HK2: variants seen among roughly 807,000 people sequenced by gnomAD.
HK2 encodes hexokinase-2.
Under a neutral mutation model 92.9 loss-of-function variants are expected in HK2, and 42 were observed. The ratio of observed to expected loss-of-function variants is 0.45; its 90% CI spans 0.35 to 0.58. HK2 has a LOEUF of 0.58. Ranked by LOEUF, HK2 falls within the 20% of genes least tolerant of loss-of-function variation. HK2 has a pLI of 0.00. For synonymous variants in HK2, 422 were observed against 468.0 expected (o/e 0.90, Z 1.27); for missense variants, 978 against 1,245.1 (o/e 0.79, Z 3.23).
At chr2:74,845,570 G>A (rs895451517) in intron 1 of HK2, among the ~76,000 whole-genome samples, 1 of 152,228 alleles carries the variant, frequency 6.6e-6, no homozygotes, top group Non-Finnish European at 1.5e-5. Flanking sequence ...ACTCACAACC[G>A]CTGCAACAGG....
intron 2 of HK2, among the ~76,000 whole-genome samples, chr2:74,855,635 G>A (rs1359108767): frequency 1.3e-5 from 2 of 152,338 alleles, no homozygotes; most frequent in East Asian, 3.9e-4. Context: ...CAGTGGATTA[G>A]GGCTAGGTCA....
intron 1 of HK2, among the ~76,000 whole-genome samples, chr2:74,835,592 C>T (rs1558784312): frequency 6.6e-6 from 1 of 152,002 alleles, no homozygotes; most frequent in African/African-American, 2.4e-5. Context: ...TCATTCCCCG[C>T]CTCGGGGTAT....
intron 1 of HK2, among the ~76,000 whole-genome samples, chr2:74,837,439 G>A (rs1265312687): frequency 6.6e-6 from 1 of 152,204 alleles, no homozygotes; most frequent in Non-Finnish European, 1.5e-5. Flanking sequence ...CCAGCTGAGA[G>A]TCCTGGATTC....
In HK2 at chr2:74,839,310, T is replaced by G. The variant is rs150684006; in HGVS notation, c.63+4667T>G. On this transcript the variant is annotated intron_variant, in intron 1 of 17. Coordinates refer to ENST00000290573, the MANE Select transcript of HK2 (RefSeq NM_000189.5). The stretch of plus-strand genomic sequence containing the variant: ...GAGCCTCAAGGAACCTTGGCACATT[T>G]TGGACACCTACCACGTGCCATTAGT... Among the ~76,000 whole-genome samples the G allele has an allele frequency of 5.3e-4, 81 of 152,264 alleles. 1 individual carries two copies. Among genetic ancestry groups the G allele is most frequent in the African/African-American group, 1.9e-3 (78 of 41,544 alleles).
At chr2:74,867,116 T>A (rs954570519) in intron 2 of HK2, among the ~76,000 whole-genome samples, 2 of 152,076 alleles carry the variant, frequency 1.3e-5, no homozygotes, top group Non-Finnish European at 2.9e-5. Flanking sequence ...GGTGAGCACA[T>A]CGTTGGATGC....
intron 4 of HK2, among the ~76,000 whole-genome samples, 196 bp from the exon 5 acceptor site, chr2:74,873,080 G>A (rs1689136686): frequency 6.6e-6 from 1 of 152,196 alleles, no homozygotes; most frequent in Admixed American, 6.5e-5. Context: ...ACATTGTTAT[G>A]CGGCACATGA....
intron 1 of HK2, among the ~76,000 whole-genome samples, chr2:74,853,125 G>A (rs1688608233): frequency 6.6e-6 from 1 of 152,122 alleles, no homozygotes. Flanking sequence ...TGGAGGGCCT[G>A]TGTGTGTGAG....
At chr2:74,859,264 A>G (rs1688760995) in intron 2 of HK2, among the ~76,000 whole-genome samples, 1 of 152,240 alleles carries the variant, frequency 6.6e-6, no homozygotes, top group South Asian at 2.1e-4. Context: ...TCTAGTTACT[A>G]TGTATGCTGA....
At chr2:74,884,148 T>C (rs1466287390) in intron 12 of HK2, among the ~76,000 whole-genome samples, 3 of 152,354 alleles carry the variant, frequency 2.0e-5, no homozygotes, top group Middle Eastern at 3.4e-3. Flanking sequence ...AACCAGAATG[T>C]GTGTTAACTG....
chr2:74,854,176 C>G (rs1657268630), intron 1 of HK2, 117 bp from the exon 2 acceptor site: 3 of 967,720 alleles, frequency 3.1e-6, no homozygotes, highest in Non-Finnish European at 5.0e-6. Context: ...TTAATAATAA[C>G]TTTCTGTACA....
At chr2:74,855,415 G>A (rs1343009998) in intron 2 of HK2, among the ~76,000 whole-genome samples, 2 of 152,144 alleles carry the variant, frequency 1.3e-5, no homozygotes, top group African/African-American at 2.4e-5. Flanking sequence ...TGTCACCCAG[G>A]CTAGAGCGCA....
Position 74,891,129 on chromosome 2 carries a change from A to G in HK2, c.*188A>G. The G allele has an allele frequency of 1.6e-6, 1 of 628,654 alleles. No homozygotes were observed. The highest frequency in any genetic ancestry group is 1.9e-5 in the South Asian group (1 of 52,366). 38.9% of individuals were successfully genotyped at this position (628,654 alleles called of 1,614,324 possible). On this transcript the variant is annotated 3_prime_UTR_variant, in exon 18 of 18. Coordinates refer to ENST00000290573, the MANE Select transcript of HK2 (RefSeq NM_000189.5). ...TGGCTGAGCTTGGCCCTATTAAGAT[A>G]AATAGAGTTCCAAATAAGGATTTGT...
At chr2:74,867,808 C>A (rs746035389) in intron 3 of HK2, 24 bp downstream of exon 3, 1 of 1,613,610 alleles carries the variant, frequency 6.2e-7, no homozygotes, top group Non-Finnish European at 8.5e-7. Flanking sequence ...CTCAGGGCAG[C>A]CCCTGGTGAC....
chr2:74,850,065 A>G (rs1451747961), intron 1 of HK2, among the ~76,000 whole-genome samples: 1 of 152,194 alleles, frequency 6.6e-6, no homozygotes, highest in Non-Finnish European at 1.5e-5. Flanking sequence ...TATCTTAACC[A>G]CCGACTCTCA....
intron 7 of HK2, 54 bp downstream of exon 7, chr2:74,874,503 T>A: frequency 6.5e-7 from 1 of 1,526,842 alleles, no homozygotes; most frequent in African/African-American, 1.4e-5. Context: ...GAGCTGAGTC[T>A]GGGGCTGGTC....
intron 1 of HK2, among the ~76,000 whole-genome samples, chr2:74,845,876 G>A (rs1688423098): frequency 6.6e-6 from 1 of 152,252 alleles, no homozygotes. Context: ...CAACTTTGTA[G>A]AATAAACTTG....
intron 1 of HK2, among the ~76,000 whole-genome samples, chr2:74,846,495 G>T (rs1688440871): frequency 6.6e-6 from 1 of 152,140 alleles, no homozygotes; most frequent in Non-Finnish European, 1.5e-5. Context: ...GTCTGTTTTT[G>T]TACTTAATAT....
intron 2 of HK2, among the ~76,000 whole-genome samples, chr2:74,865,872 A>C (rs1688933520): frequency 6.6e-6 from 1 of 152,024 alleles, no homozygotes; most frequent in Admixed American, 6.5e-5. Context: ...GTACTTACTG[A>C]GTGTGTCCTG....
At chr2:74,835,651 G>A (rs1192106945) in intron 1 of HK2, among the ~76,000 whole-genome samples, 5 of 152,224 alleles carry the variant, frequency 3.3e-5, no homozygotes, top group African/African-American at 4.8e-5. Context: ...CCAGGGGCGC[G>A]CTCAGAATTG....
Sources: allele counts gnomAD v4.1 joint callset (sites outside exome capture counted in the v4.1 genomes callset), GRCh38; gene constraint gnomAD v4.1.1; transcripts MANE v1.5; gene names NCBI Gene and HGNC (gene_info 2026-07-23, HGNC 2026-07-21).